The following ADD2 variants were observed in gnomAD, a reference collection of about 807,000 sequenced individuals.
ADD2 encodes the protein adducin 2, also known as beta-adducin.
A neutral mutation model predicts 83.0 loss-of-function variants in ADD2; 23 were observed. The ratio of observed to expected loss-of-function variants is 0.28; its 90% confidence interval spans 0.20 to 0.39. ADD2 has a LOEUF of 0.39. ADD2 is among the 10% of genes least tolerant of loss of function. The pLI is 1.00. For missense variants in ADD2, 758 were observed against 944.9 expected (o/e 0.80, Z 2.59); for synonymous variants, 375 against 375.4 (o/e 1.00, Z 0.01).
chr2:70,728,882 G>A (rs533910873), intron 1 of ADD2, among the ~76,000 whole-genome samples: 1 of 152,356 alleles, frequency 6.6e-6, no homozygotes, highest in African/African-American at 2.4e-5. Flanking sequence ...AGGCACCTTG[G>A]TAATGTTTGT....
At chr2:70,665,842 T>G (rs1199948274) in intron 15 of ADD2, among the ~76,000 whole-genome samples, 1 of 147,280 alleles carries the variant, frequency 6.8e-6, no homozygotes, top group African/African-American at 2.6e-5. Flanking sequence ...CCCGAAACAG[T>G]CCTGCTCTGT....
chr2:70,740,106 G>T (rs1673807905), intron 1 of ADD2, among the ~76,000 whole-genome samples: 1 of 152,046 alleles, frequency 6.6e-6, no homozygotes, highest in South Asian at 2.1e-4. Flanking sequence ...TATGGCTTAT[G>T]ATATTTATAT....
intron 9 of ADD2, among the ~76,000 whole-genome samples, chr2:70,685,022 A>T (rs1670646868): frequency 6.6e-6 from 1 of 152,222 alleles, no homozygotes; most frequent in Non-Finnish European, 1.5e-5. Context: ...CCTGGATGAC[A>T]AATCTAGCTA....
At chr2:70,738,289 C>T (rs1177124655) in intron 1 of ADD2, among the ~76,000 whole-genome samples, 2 of 152,122 alleles carry the variant, frequency 1.3e-5, no homozygotes, top group Non-Finnish European at 2.9e-5. Flanking sequence ...AATTCACACA[C>T]AAAATTAGAT....
In ADD2 at chr2:70,678,886, G is replaced by C. The variant is rs1313284829; in HGVS notation, c.1201C>G (p.Pro401Ala). Reference protein sequence around the residue: ...KTKHKSEVEIPATVTAFVFEE... With the variant: ...KTKHKSEVEIAATVTAFVFEE... ...AACACGAAGGCTGTGACCGTGGCTG[G>C]AATCTCCACCTCACTTTTGTGTTTG... Residue 401 changes from proline to alanine, a missense_variant, in exon 11 of 16, where the codon CCA becomes GCA. Around this residue, in one of 5 missense-constraint regions of ADD2, gnomAD observed 394 missense variants for 509.3 expected, o/e 0.77. Transcript: ENST00000264436. 2 of 1,614,192 alleles carry C rather than the reference G, an allele frequency of 1.2e-6. No individual in the cohort carries two copies. Among genetic ancestry groups the C allele is most frequent in the African/African-American group, 2.7e-5 (2 of 75,028 alleles).
At position 70,692,520 on chromosome 2, in the gene ADD2, C is replaced by T. The variant is rs983365340; in HGVS notation, c.588G>A (p.Glu196=). 72 of 1,611,236 alleles carry T rather than the reference C, an allele frequency of 4.5e-5. No individual in the cohort carries two copies. The highest frequency in any genetic ancestry group is 5.9e-5 in the Non-Finnish European group (69 of 1,179,028). The change falls in exon 7 of 16, where the codon GAG becomes GAA. Residue 196 remains glutamate, a synonymous_variant. Coordinates refer to ENST00000264436, the MANE Select transcript of ADD2 (RefSeq NM_001617.4). ...CCACTGGGAAGCAGCTGCTGCCCTTCTCCACCACCTCTCCCAGAATGTTCA... is the reference window on the plus strand; with the variant it reads ...CCACTGGGAAGCAGCTGCTGCCCTTTTCCACCACCTCTCCCAGAATGTTCA... ...IKVNILGEVV[E]KGSSCFPVDT... is the part of the protein sequence containing the mutation.
chr2:70,747,169 C>A (rs2104517752), intron 1 of ADD2, among the ~76,000 whole-genome samples: 1 of 152,152 alleles, frequency 6.6e-6, no homozygotes, highest in South Asian at 2.1e-4. Context: ...CGCCACCACA[C>A]CCAGCTAATT....
At chr2:70,765,369 T>C (rs150117686) in intron 1 of ADD2, among the ~76,000 whole-genome samples, 2 of 152,254 alleles carry the variant, frequency 1.3e-5, no homozygotes, top group East Asian at 3.9e-4. Flanking sequence ...ATATAAAACA[T>C]AAAAAATAAA....
chr2:70,675,532 C>G (rs1670090217), intron 13 of ADD2: 1 of 985,314 alleles, frequency 1.0e-6, no homozygotes, highest in African/African-American at 1.7e-5. Flanking sequence ...ATTCTTTGAC[C>G]CCTCTAGCCC....
chr2:70,736,064 G>A (rs1222667605), intron 1 of ADD2, among the ~76,000 whole-genome samples: 3 of 152,010 alleles, frequency 2.0e-5, no homozygotes, highest in East Asian at 3.9e-4. Flanking sequence ...CCCCCATCAG[G>A]AGGGCACAAC....
At chr2:70,696,774 TGAA>T (rs1445803330) in intron 4 of ADD2, among the ~76,000 whole-genome samples, 8 of 152,196 alleles carry the variant, frequency 5.3e-5, no homozygotes, top group Non-Finnish European at 8.8e-5. Flanking sequence ...TTATTATTAA[TGAA>T]GAAGTTACTC....
rs1553370844 is a variant in ADD2 at position 70,688,074 on chromosome 2, C to G, written c.898G>C (p.Glu300Gln). The change falls in exon 9 of 16, where the codon GAG becomes CAG. Residue 300 changes from glutamate (E) to glutamine (Q), a missense_variant. By Grantham distance (29) the Glu-to-Gln change is conservative. Transcript: ENST00000264436. The part of the protein sequence containing the change: ...HGVVALGDTV[E>Q]EAFYKIFHLQ... ...TGGAAGATCTTGTAAAATGCCTCCT[C>G]TACCGTGTCACCCAGAGCAACCACT... 1 of 1,614,216 alleles carries G rather than the reference C, an allele frequency of 6.2e-7. No individual in the cohort carries two copies. Among genetic ancestry groups the G allele is most frequent in the Admixed American group, 1.7e-5 (1 of 60,028 alleles).
At chr2:70,700,281 A>G (rs912650501) in intron 4 of ADD2, among the ~76,000 whole-genome samples, 1 of 152,182 alleles carries the variant, frequency 6.6e-6, no homozygotes, top group African/African-American at 2.4e-5. Context: ...ATAAAATCCA[A>G]TGCTATTAGC....
intron 2 of ADD2, among the ~76,000 whole-genome samples, chr2:70,709,473 G>A (rs558758562): frequency 6.6e-6 from 1 of 152,338 alleles, no homozygotes; most frequent in South Asian, 2.1e-4. Flanking sequence ...GATGTTGCTG[G>A]TGGACTGAGC....
Position 70,726,655 on chromosome 2 carries a change from G to T in ADD2, c.-153-13471C>A, listed in dbSNP as rs78011928. Among the ~76,000 whole-genome samples, 1,209 of 152,280 alleles carry T rather than the reference G, an allele frequency of 7.9e-3. 20 individuals carry two copies. Among genetic ancestry groups the T allele is most frequent in the Middle Eastern group, 0.014 (4 of 294 alleles). On this transcript the variant is annotated intron_variant, in intron 1 of 15. Coordinates refer to ENST00000264436, the MANE Select transcript of ADD2 (RefSeq NM_001617.4). ...GAAATGTATAAATCAGGACTTTTGT[G>T]TTAATGCTTTTATGGGCGAAAAACA...
In ADD2 at chr2:70,767,880, C is replaced by T. The variant is rs1553386453; in HGVS notation, c.-154+6G>A. 6.5e-7 allele frequency: 1 copy of T among 1,535,962 alleles called. No homozygotes were observed. Among genetic ancestry groups the T allele is most frequent in the Non-Finnish European group, 8.7e-7 (1 of 1,146,778 alleles). ...AGCCCACCAGGCCCGCTCCCCAGACCCTTACCTCCTGCGCGGCATCTTAGC... is the reference window on the plus strand; with the variant it reads ...AGCCCACCAGGCCCGCTCCCCAGACTCTTACCTCCTGCGCGGCATCTTAGC... On this transcript the variant is annotated splice_donor_region_variant and intron_variant, in intron 1 of 15. Transcript: ENST00000264436.
At chr2:70,718,553 G>A (rs782182194) in intron 1 of ADD2, among the ~76,000 whole-genome samples, 4 of 152,246 alleles carry the variant, frequency 2.6e-5, no homozygotes, top group African/African-American at 7.2e-5. Flanking sequence ...AGGGAGACTG[G>A]AAACCTTGGG....
At chr2:70,679,088 A>C in intron 10 of ADD2, 127 bp from the exon 11 acceptor site, 2 of 1,149,468 alleles carry the variant, frequency 1.7e-6, no homozygotes, top group Non-Finnish European at 2.4e-6. Context: ...ATCTCCATTA[A>C]ACAATCTAGG....
At chr2:70,748,168 T>C (rs1201894338) in intron 1 of ADD2, among the ~76,000 whole-genome samples, 3 of 152,088 alleles carry the variant, frequency 2.0e-5, no homozygotes, top group Non-Finnish European at 4.4e-5. Context: ...TGCCCTCACT[T>C]GTGAAGAAAA....
Sources: allele counts gnomAD v4.1 joint callset (sites outside exome capture counted in the v4.1 genomes callset), GRCh38; gene constraint gnomAD v4.1.1; regional missense constraint gnomAD v4.1.1; transcripts MANE v1.5; gene names NCBI Gene and HGNC (gene_info 2026-07-23, HGNC 2026-07-21).